Variants in EPG5 observed in about 807,000 individuals in gnomAD.
EPG5 encodes the protein ectopic P-granules 5 autophagy tethering factor, also known as ectopic P granules protein 5 homolog.
In EPG5, 159 loss-of-function variants were observed where a neutral mutation model predicts 302.7. The observed-to-expected ratio is 0.53, with a 90% confidence interval of 0.46 to 0.60. The LOEUF (loss-of-function observed/expected upper bound fraction) is 0.60. Ranked by LOEUF, EPG5 falls within the 20% of genes least tolerant of loss-of-function variation. The probability of loss-of-function intolerance (pLI) is 0.00; values close to 1 mark genes in which losing one functional copy is unlikely to be tolerated. For missense variants in EPG5, 2,896 were observed against 3,092.4 expected (o/e 0.94, Z 1.51); for synonymous variants, 1,158 against 1,136.8 (o/e 1.02, Z -0.37).
rs147077482 is a variant in EPG5, at chr18:45,948,167, G to A, written c.1571+336C>T. 5.3e-3 allele frequency among the ~76,000 whole-genome samples: 811 copies of A among 152,158 alleles called. 6 individuals are homozygous for A. Among genetic ancestry groups the A allele is most frequent in the African/African-American group, 0.018 (744 of 41,510 alleles). ...CTCTTCATTTCTATTGCATAGCTTCGCAATTTAGCACTTAAATCTCTCTGT... is the reference window on the plus strand; with the variant it reads ...CTCTTCATTTCTATTGCATAGCTTCACAATTTAGCACTTAAATCTCTCTGT... On this transcript the variant is annotated intron_variant, in intron 6 of 43. Transcript: ENST00000282041.
rs57427616 is a variant in EPG5 at position 45,901,920 on chromosome 18, T to C, written c.4475-753A>G. Among the ~76,000 whole-genome samples the C allele has an allele frequency of 5.1e-3, 770 of 152,270 alleles. 12 individuals carry two copies. The highest frequency in any genetic ancestry group is 0.016 in the African/African-American group (674 of 41,534). On this transcript the variant is annotated intron_variant, in intron 25 of 43. Transcript: ENST00000282041. ...AGCTGAATACACAGTAGATATCCAATAGATTCCTATCTTCCCTCCCTCTCC... is the reference window on the plus strand; with the variant it reads ...AGCTGAATACACAGTAGATATCCAACAGATTCCTATCTTCCCTCCCTCTCC...
Position 45,922,558 on chromosome 18 carries a change from C to T in EPG5, c.2881G>A (p.Glu961Lys), listed in dbSNP as rs200744548. Residue 961 changes from glutamate (E) to lysine (K), a missense_variant, in exon 16 of 44, where the codon GAG (glutamate) becomes AAG (lysine). Physicochemically the swap from Glu to Lys is moderately conservative, Grantham distance 56. This residue lies in a region of EPG5 where 1,390 missense variants were observed against 1,430.0 expected (regional missense o/e 0.97). Transcript: ENST00000282041. ...ASIVRYGETP[E>K]TSFNQWAWNL... is the part of the protein sequence containing the mutation. ...CAGGCCCATTGGTTAAATGAGGTCTCGGGTGTCTCTCCATATCGAACAATA... is the reference window on the plus strand; with the variant it reads ...CAGGCCCATTGGTTAAATGAGGTCTTGGGTGTCTCTCCATATCGAACAATA... 4.5e-5 allele frequency: 72 copies of T among 1,614,188 alleles called. No homozygotes were observed. In the African/African-American group the frequency reaches 8.1e-4, roughly 18 times the overall value.
At chr18:45,899,619 AG>A in intron 26 of EPG5, 53 bp from the exon 27 acceptor site, 1 of 1,582,684 alleles carries the variant, frequency 6.3e-7, no homozygotes, top group South Asian at 1.1e-5. Flanking sequence ...GTTATATGAT[AG>A]GTGATAAAGG....
intron 1 of EPG5, among the ~76,000 whole-genome samples, chr18:45,956,054 T>C (rs1019695942): frequency 6.6e-6 from 1 of 152,168 alleles, no homozygotes; most frequent in Non-Finnish European, 1.5e-5. Context: ...AAGTATCTCC[T>C]CCCAAATATT....
Position 45,879,182 on chromosome 18 carries a change from A to G in EPG5, c.5700T>C (p.Phe1900=), listed in dbSNP as rs34545102. The G allele has an allele frequency of 2.4e-3, 3,798 of 1,613,714 alleles. 66 individuals are homozygous for G. The African/African-American group carries it at 0.042, about 18-fold the overall frequency. ...TCTTGGATAACCGAAGCTTATAAAA[A>G]AAGTCTGAAAGCCACTGTATAGTCT... is the stretch of plus-strand genomic sequence containing the variant. ...VMETIQWLSD[F]FYKLRLSKMD... The change falls in exon 33 of 44, where the codon TTT becomes TTC. Residue 1900 remains phenylalanine (F), a synonymous_variant. Coordinates refer to ENST00000282041, the MANE Select transcript of EPG5 (RefSeq NM_020964.3).
At chr18:45,840,317 G>A in the EPG5 span, 1 of 1,507,736 alleles carries the variant, frequency 6.6e-7, no homozygotes, top group Non-Finnish European at 9.0e-7. Flanking sequence ...CCAGGCAGGA[G>A]AAGGAATAAA....
At chr18:45,923,458 A>G in intron 14 of EPG5, 71 bp from the exon 15 acceptor site, 1 of 1,503,574 alleles carries the variant, frequency 6.7e-7, no homozygotes, top group African/African-American at 1.4e-5. Flanking sequence ...TTGAATCAAA[A>G]CATTAGGCAG....
intron 19 of EPG5, 33 bp downstream of exon 19, chr18:45,915,976 A>G: frequency 6.4e-7 from 1 of 1,557,426 alleles, no homozygotes; most frequent in Non-Finnish European, 8.7e-7. Flanking sequence ...CTAGCCAATC[A>G]CTGAAAGATA....
At chr18:45,887,007 CAAT>C (rs2049232404) in intron 29 of EPG5, among the ~76,000 whole-genome samples, 1 of 152,114 alleles carries the variant, frequency 6.6e-6, no homozygotes, top group African/African-American at 2.4e-5. Context: ...ACAAAAAAAT[CAAT>C]GATGATACCT....
At chr18:45,917,854 G>A in intron 16 of EPG5, 35 bp from the exon 17 acceptor site, 3 of 1,609,608 alleles carry the variant, frequency 1.9e-6, no homozygotes, top group South Asian at 1.1e-5. Context: ...AATACACAAG[G>A]GAGCTGGTTC....
chr18:45,951,260 T>C lies in EPG5; in HGVS notation c.1253-22A>G, dbSNP rs182605772. The C allele has an allele frequency of 3.3e-5, 47 of 1,444,528 alleles. 1 individual carries two copies. The East Asian group carries it at 4.4e-4, about 13-fold the overall frequency. The allele number at this position is 1,444,528 out of a possible 1,614,324, so 89.5% of individuals were successfully genotyped here. Reference sequence around the variant, plus strand: ...GACGCTGTAAATGAAAGATATTAAATGAGTCTCTCATAAATGGTGTTTTTG... The same window carrying C: ...GACGCTGTAAATGAAAGATATTAAACGAGTCTCTCATAAATGGTGTTTTTG... On this transcript the variant is annotated intron_variant, in intron 3 of 43. Transcript: ENST00000282041.
At chr18:45,893,723 T>C (rs1256965687) in intron 27 of EPG5, among the ~76,000 whole-genome samples, 1 of 152,116 alleles carries the variant, frequency 6.6e-6, no homozygotes, top group Non-Finnish European at 1.5e-5. Context: ...ACATTTACAC[T>C]AGAGTAAAAA....
intron 34 of EPG5, among the ~76,000 whole-genome samples, chr18:45,876,620 A>G (rs1478493285): frequency 6.6e-6 from 1 of 152,112 alleles, no homozygotes; most frequent in Non-Finnish European, 1.5e-5. Context: ...ATCTTTTTAC[A>G]TCAAATTTAG....
the EPG5 span, among the ~76,000 whole-genome samples, chr18:45,818,187 C>T: frequency 6.6e-6 from 1 of 152,032 alleles, no homozygotes; most frequent in East Asian, 1.9e-4. Context: ...TTGACCAGTC[C>T]CTGCTAATGA....
At chr18:45,845,666 G>A (rs1054514180), downstream of EPG5, among the ~76,000 whole-genome samples, 4 of 152,194 alleles carry the variant, frequency 2.6e-5, no homozygotes, top group South Asian at 4.1e-4. Flanking sequence ...CAGAAGACTC[G>A]GTGTTTTCAA....
At chr18:45,963,745 C>G (rs909675036) in intron 1 of EPG5, among the ~76,000 whole-genome samples, 5 of 152,186 alleles carry the variant, frequency 3.3e-5, no homozygotes, top group African/African-American at 1.2e-4. Context: ...GCTTTGGACT[C>G]TAGCCTCTGA....
At chr18:45,962,032 G>T (rs994226537) in intron 1 of EPG5, among the ~76,000 whole-genome samples, 1 of 151,620 alleles carries the variant, frequency 6.6e-6, no homozygotes, top group Admixed American at 6.6e-5. Flanking sequence ...TCTCCCTCTT[G>T]AATGTTAAGC....
the EPG5 span, among the ~76,000 whole-genome samples, chr18:45,814,390 A>T: frequency 6.6e-6 from 1 of 152,228 alleles, no homozygotes; most frequent in Admixed American, 6.5e-5. Context: ...AGACTACATA[A>T]CTAAATGCAA....
chr18:45,821,450 G>A, the EPG5 span, among the ~76,000 whole-genome samples: 12 of 152,188 alleles, frequency 7.9e-5, no homozygotes, highest in South Asian at 2.1e-4. Flanking sequence ...AAAAGAGAAG[G>A]CATTTTATAT....
Sources: gnomAD v4.1 joint callset for allele counts (sites outside exome capture counted in the v4.1 genomes callset) on GRCh38, gnomAD v4.1.1 for gene constraint, gnomAD v4.1.1 regional missense constraint, MANE v1.5 for transcripts, NCBI Gene and HGNC (gene_info 2026-07-23, HGNC 2026-07-21) for gene names.